The following FOXO1 variants were observed in gnomAD, a reference collection of about 807,000 sequenced individuals.
FOXO1 encodes the protein forkhead box protein O1.
A neutral mutation model predicts 44.1 loss-of-function variants in FOXO1; 6 were observed. The ratio of observed to expected loss-of-function variants is 0.14; its 90% CI spans 0.07 to 0.27. FOXO1 has a LOEUF of 0.27. Ranked by LOEUF, FOXO1 falls within the 10% of genes least tolerant of loss-of-function variation. The probability of loss-of-function intolerance (pLI) is 1.00; values close to 1 mark genes in which losing one functional copy is unlikely to be tolerated. For synonymous variants in FOXO1, 380 were observed against 362.7 expected (o/e 1.05, Z -0.54); for missense variants, 737 against 888.8 (o/e 0.83, Z 2.17).
At chr13:40,607,232 G>A (rs768775285) in intron 1 of FOXO1, among the ~76,000 whole-genome samples, 15 of 152,178 alleles carry the variant, frequency 9.9e-5, no homozygotes, top group Non-Finnish European at 2.1e-4. Flanking sequence ...GACAAAAACC[G>A]GAGGGCGTTG....
intron 1 of FOXO1, among the ~76,000 whole-genome samples, chr13:40,562,953 C>G (rs1460651291): frequency 6.6e-6 from 1 of 152,256 alleles, no homozygotes; most frequent in Admixed American, 6.5e-5. Context: ...ACACCTTGTT[C>G]ATTCAGCAGC....
intron 1 of FOXO1, chr13:40,620,448 T>C (rs537543683): frequency 9.5e-5 from 61 of 639,310 alleles, no homozygotes; most frequent in Non-Finnish European, 1.6e-4. Context: ...TGAGCCATCA[T>C]CAGTGGCTCT....
chr13:40,655,334 G>A (rs1245777334), intron 1 of FOXO1, among the ~76,000 whole-genome samples: 3 of 131,630 alleles, frequency 2.3e-5, no homozygotes, highest in African/African-American at 8.7e-5. Context: ...TGGTGACAGA[G>A]TTAGACCCCA....
chr13:40,595,623 C>T (rs895450020), intron 1 of FOXO1, among the ~76,000 whole-genome samples: 3 of 152,102 alleles, frequency 2.0e-5, no homozygotes, highest in African/African-American at 7.2e-5. Flanking sequence ...AGAAGGGCCA[C>T]TAAGACAACT....
At chr13:40,643,410 A>G (rs192730072) in intron 1 of FOXO1, among the ~76,000 whole-genome samples, 1 of 152,254 alleles carries the variant, frequency 6.6e-6, no homozygotes, top group East Asian at 1.9e-4. Flanking sequence ...ATACACTCCA[A>G]ATACAACCCA....
At chr13:40,563,435 C>T (rs1436933625) in intron 1 of FOXO1, among the ~76,000 whole-genome samples, 3 of 152,278 alleles carry the variant, frequency 2.0e-5, no homozygotes, top group Non-Finnish European at 2.9e-5. Context: ...TACTGCATTC[C>T]GCCTAAAGAT....
chr13:40,606,976 C>T (rs977922958), intron 1 of FOXO1, among the ~76,000 whole-genome samples: 5 of 152,220 alleles, frequency 3.3e-5, no homozygotes, highest in African/African-American at 1.2e-4. Flanking sequence ...AGCTTTGTCT[C>T]ACTTTGCCTT....
At chr13:40,587,220 G>A (rs1291867196) in intron 1 of FOXO1, among the ~76,000 whole-genome samples, 2 of 149,654 alleles carry the variant, frequency 1.3e-5, no homozygotes, top group South Asian at 2.1e-4. Flanking sequence ...CCAAAGGCAC[G>A]TGTACCTGCC....
intron 1 of FOXO1, among the ~76,000 whole-genome samples, chr13:40,626,621 G>A (rs1313731753): frequency 6.6e-6 from 1 of 152,152 alleles, no homozygotes; most frequent in African/African-American, 2.4e-5. Flanking sequence ...ACATAACAAA[G>A]TTGGTAAGTT....
intron 1 of FOXO1, among the ~76,000 whole-genome samples, chr13:40,610,510 GT>G (rs1876190847): frequency 6.6e-6 from 1 of 152,174 alleles, no homozygotes. Context: ...ACATCCCAGT[GT>G]CAGCAGGTTC....
intron 1 of FOXO1, among the ~76,000 whole-genome samples, chr13:40,659,768 T>C (rs2297628): frequency 0.19 from 29,366 of 152,122 alleles, 2,982 homozygotes; most frequent in South Asian, 0.3. Context: ...AACCTACAAG[T>C]TGATAAACCA....
rs1403000835 is a variant in FOXO1, at chr13:40,666,170, C to G, written c.43G>C (p.Glu15Gln). Reference sequence around the variant, plus strand: ...CACGAGCGCGGCCGGGGCAGCGGCTCGAAGTCCGGGTCGATCTCCACCACC... The same window carrying G: ...CACGAGCGCGGCCGGGGCAGCGGCTGGAAGTCCGGGTCGATCTCCACCACC... ...PQVVEIDPDF[E>Q]PLPRPRSCTW... is the part of the protein sequence containing the mutation. Residue 15 changes from glutamate (E) to glutamine (Q), a missense_variant, in exon 1 of 3, where the codon GAG becomes CAG. Physicochemically the swap from Glu to Gln is conservative, Grantham distance 29. Coordinates refer to ENST00000379561, the MANE Select transcript of FOXO1 (RefSeq NM_002015.4). 2.9e-5 allele frequency: 42 copies of G among 1,459,598 alleles called. No individual in the cohort carries two copies. Among genetic ancestry groups the G allele is most frequent in the Non-Finnish European group, 3.6e-5 (40 of 1,109,130 alleles). The allele number at this position is 1,459,598 out of a possible 1,614,324, so 90.4% of individuals were successfully genotyped here.
chr13:40,665,204 G>A (rs1450277716), intron 1 of FOXO1, among the ~76,000 whole-genome samples: 2 of 151,920 alleles, frequency 1.3e-5, no homozygotes, highest in Non-Finnish European at 2.9e-5. Flanking sequence ...CTCCCCCCGC[G>A]GAGGTCCGGG....
rs559350211 is a variant in FOXO1 at position 40,666,565 on chromosome 13, G to T, written c.-353C>A. 68 of 230,362 alleles carry T rather than the reference G, an allele frequency of 3.0e-4. No homozygotes were observed. In the South Asian group the frequency reaches 9.9e-3, roughly 33 times the overall value. The allele number at this position is 230,362 out of a possible 1,614,324, so 14.3% of individuals were successfully genotyped here. ...GCTTGCTCTCCCCAGCGGCGCGCCC[G>T]CTGCGCTGCTGCCTGTTGAATGTGG... On this transcript the variant is annotated 5_prime_UTR_variant, in exon 1 of 3. Transcript: ENST00000379561.
At chr13:40,585,169 C>T (rs1307688169) in intron 1 of FOXO1, among the ~76,000 whole-genome samples, 6 of 152,080 alleles carry the variant, frequency 3.9e-5, no homozygotes, top group East Asian at 1.9e-4. Flanking sequence ...TGTAATCTTA[C>T]GGATAAAAAG....
intron 1 of FOXO1, among the ~76,000 whole-genome samples, chr13:40,656,173 A>G (rs1877853645): frequency 1.3e-5 from 2 of 152,212 alleles, no homozygotes; most frequent in Admixed American, 1.3e-4. Context: ...ATCTATTGAA[A>G]TATCCCATTA....
intron 1 of FOXO1, among the ~76,000 whole-genome samples, chr13:40,629,291 C>CAT (rs1876887216): frequency 6.6e-6 from 1 of 152,060 alleles, no homozygotes; most frequent in Non-Finnish European, 1.5e-5. Context: ...TACAGGCATG[C>CAT]GCCACCACGC....
intron 1 of FOXO1, among the ~76,000 whole-genome samples, chr13:40,588,204 C>T (rs942028187): frequency 1.9e-4 from 29 of 152,288 alleles, no homozygotes; most frequent in African/African-American, 6.3e-4. Flanking sequence ...TCATCTTCCA[C>T]CTTTCCTCTC....
At chr13:40,600,092 A>T (rs1381861534) in intron 1 of FOXO1, among the ~76,000 whole-genome samples, 1 of 152,200 alleles carries the variant, frequency 6.6e-6, no homozygotes, top group Non-Finnish European at 1.5e-5. Flanking sequence ...CCAGCGCTGA[A>T]AACTATCCTC....
Sources: gnomAD v4.1 joint callset for allele counts (sites outside exome capture counted in the v4.1 genomes callset) on GRCh38, gnomAD v4.1.1 for gene constraint, MANE v1.5 for transcripts, NCBI Gene and HGNC (gene_info 2026-07-23, HGNC 2026-07-21) for gene names.